The following SOX6 variants were observed in gnomAD, a reference collection of about 807,000 sequenced individuals.
The protein encoded by SOX6 is transcription factor SOX-6.
In SOX6, 11 loss-of-function variants were observed where a neutral mutation model predicts 97.8. That is an observed-to-expected ratio of 0.11 (90% CI 0.07 to 0.19). The LOEUF is 0.19. SOX6 is among the 10% of genes least tolerant of loss of function. The pLI is 1.00. For synonymous variants in SOX6, 360 were observed against 371.4 expected (o/e 0.97, Z 0.35); for missense variants, 810 against 1,039.5 (o/e 0.78, Z 3.04).
At chr11:16,637,452 C>G (rs762755442) in intron 3 of SOX6, among the ~76,000 whole-genome samples, 20 of 152,178 alleles carry the variant, frequency 1.3e-4, no homozygotes, top group Non-Finnish European at 2.8e-4. Context: ...AACTCCTGAC[C>G]TTGAGATCTG....
chr11:16,106,229 G>T (rs1403481919), intron 7 of SOX6, among the ~76,000 whole-genome samples: 1 of 151,842 alleles, frequency 6.6e-6, no homozygotes, highest in Non-Finnish European at 1.5e-5. Flanking sequence ...AATTACAAGA[G>T]GTCCCAATAA....
intron 4 of SOX6, among the ~76,000 whole-genome samples, chr11:16,525,665 C>G (rs1261971655): frequency 6.6e-6 from 1 of 151,748 alleles, no homozygotes; most frequent in African/African-American, 2.4e-5. Context: ...TTCTGCACAG[C>G]ACAAGAAACT....
intron 3 of SOX6, among the ~76,000 whole-genome samples, chr11:16,649,277 G>A (rs2134011855): frequency 6.6e-6 from 1 of 152,250 alleles, no homozygotes; most frequent in South Asian, 2.1e-4. Context: ...GAACACCTGG[G>A]AAATTCATTG....
At chr11:16,062,258 C>T (rs1033229698) in intron 9 of SOX6, among the ~76,000 whole-genome samples, 5 of 151,566 alleles carry the variant, frequency 3.3e-5, no homozygotes, top group African/African-American at 1.2e-4. Flanking sequence ...TAGTTATTAA[C>T]AGTCTAGTTA....
At chr11:16,004,496 A>AT (rs991407343) in intron 13 of SOX6, among the ~76,000 whole-genome samples, 9 of 151,374 alleles carry the variant, frequency 5.9e-5, no homozygotes, top group African/African-American at 1.5e-4. Context: ...GCAGAAACTA[A>AT]TTTTTTTTTA....
intron 12 of SOX6, among the ~76,000 whole-genome samples, chr11:16,036,041 A>G (rs184572241): frequency 6.6e-6 from 1 of 151,322 alleles, no homozygotes; most frequent in African/African-American, 2.4e-5. Context: ...GGCTGTACTA[A>G]ATGATCTCTA....
chr11:16,632,346 A>G (rs1015442289), intron 3 of SOX6, among the ~76,000 whole-genome samples: 24 of 151,890 alleles, frequency 1.6e-4, no homozygotes, highest in African/African-American at 5.8e-4. Flanking sequence ...TTCTTTGGGC[A>G]GGTTTTGTAT....
At chr11:16,224,418 CA>C (rs1852625246) in intron 4 of SOX6, among the ~76,000 whole-genome samples, 1 of 152,026 alleles carries the variant, frequency 6.6e-6, no homozygotes, top group East Asian at 1.9e-4. Flanking sequence ...CAACAGTTAA[CA>C]ATGATTCTAA....
chr11:16,295,837 T>C (rs1265986172), intron 3 of SOX6, among the ~76,000 whole-genome samples: 6 of 152,010 alleles, frequency 3.9e-5, no homozygotes, highest in African/African-American at 7.2e-5. Context: ...TCACTAAGAG[T>C]AAATTCCAGG....
At chr11:16,132,444 A>AAAGAAAAAAGAAAG in intron 6 of SOX6, among the ~76,000 whole-genome samples, 2 of 27,240 alleles carry the variant, frequency 7.3e-5, no homozygotes, top group South Asian at 2.4e-3. Flanking sequence ...AAAGAAAGAA[A>AAAGAAAAAAGAAAG]AAAGAAAGAA....
At chr11:16,224,634 T>A (rs907035602) in intron 4 of SOX6, among the ~76,000 whole-genome samples, 3 of 151,982 alleles carry the variant, frequency 2.0e-5, no homozygotes, top group African/African-American at 7.2e-5. Flanking sequence ...ATGTCTACAT[T>A]CATGCAAAGT....
At chr11:16,596,007 T>C (rs537892513) in intron 4 of SOX6, among the ~76,000 whole-genome samples, 95 of 152,304 alleles carry the variant, frequency 6.2e-4, no homozygotes, top group Middle Eastern at 3.4e-3. Flanking sequence ...AAAGAAGTTA[T>C]GATATACACC....
chr11:16,210,389 A>G (rs11023871), intron 4 of SOX6, among the ~76,000 whole-genome samples: 1 of 152,132 alleles, frequency 6.6e-6, no homozygotes, highest in Admixed American at 6.5e-5. Flanking sequence ...CCAGTCACAA[A>G]AGACCACATA....
intron 4 of SOX6, among the ~76,000 whole-genome samples, chr11:16,205,963 G>A (rs1263957213): frequency 6.6e-6 from 1 of 151,770 alleles, no homozygotes; most frequent in East Asian, 1.9e-4. Context: ...CTTTAGTGTG[G>A]GCTCTCTGCA....
chr11:16,396,544 A>G (rs1174282323), intron 1 of SOX6, among the ~76,000 whole-genome samples: 1 of 151,674 alleles, frequency 6.6e-6, no homozygotes, highest in African/African-American at 2.4e-5. Context: ...CTCAAGATGT[A>G]AACTGAAAGA....
At chr11:16,118,896 A>C (rs1366483048) in intron 6 of SOX6, among the ~76,000 whole-genome samples, 1 of 152,202 alleles carries the variant, frequency 6.6e-6, no homozygotes, top group Non-Finnish European at 1.5e-5. Context: ...ATGTGATTTA[A>C]TTGAAGAAAG....
intron 13 of SOX6, among the ~76,000 whole-genome samples, chr11:16,003,195 C>T (rs1382870461): frequency 6.6e-6 from 1 of 151,958 alleles, no homozygotes; most frequent in Non-Finnish European, 1.5e-5. Flanking sequence ...GCTCCAGTAC[C>T]AGCTCTGGCT....
intron 3 of SOX6, among the ~76,000 whole-genome samples, chr11:16,676,107 T>G (rs1847883142): frequency 6.6e-6 from 1 of 152,220 alleles, no homozygotes; most frequent in Non-Finnish European, 1.5e-5. Context: ...TCATTCATTT[T>G]CCTGATCTTC....
intron 4 of SOX6, among the ~76,000 whole-genome samples, chr11:16,228,784 A>G (rs1301205007): frequency 6.6e-6 from 1 of 152,118 alleles, no homozygotes; most frequent in East Asian, 1.9e-4. Context: ...CCTTACATAT[A>G]GACAATAAAA....
Sources: allele counts gnomAD v4.1 joint callset (sites outside exome capture counted in the v4.1 genomes callset), GRCh38; gene constraint gnomAD v4.1.1; transcripts MANE v1.5; gene names NCBI Gene and HGNC (gene_info 2026-07-23, HGNC 2026-07-21).